Variants in NRXN2 observed in about 807,000 individuals in gnomAD.
NRXN2 encodes neurexin-2-beta.
A neutral mutation model predicts 128.8 loss-of-function variants in NRXN2; 29 were observed. The observed-to-expected ratio is 0.23, with a 90% CI of 0.17 to 0.31. NRXN2 has a LOEUF of 0.31. Ranked by LOEUF, NRXN2 falls within the 10% of genes least tolerant of loss-of-function variation. NRXN2 has a pLI of 1.00. For missense variants in NRXN2, 1,881 were observed against 2,452.6 expected (o/e 0.77, Z 4.92); for synonymous variants, 1,098 against 1,075.2 (o/e 1.02, Z -0.41).
intron 9 of NRXN2, chr11:64,661,441 A>C: frequency 7.7e-7 from 1 of 1,293,958 alleles, no homozygotes; most frequent in Middle Eastern, 3.0e-4. Flanking sequence ...GATAGGCAGG[A>C]AGTGGGCATG....
chr11:64,654,701 T>C (rs2047998340), intron 11 of NRXN2, among the ~76,000 whole-genome samples: 1 of 152,184 alleles, frequency 6.6e-6, no homozygotes, highest in Admixed American at 6.5e-5. Context: ...ACCAGGGTCC[T>C]ATGAAGTCCA....
rs1378861198 is a variant in NRXN2 at position 64,631,359 on chromosome 11, A to G, written c.3586-786T>C. ...GACAGACAGGGACGGAGGCCTGGAG[A>G]AGGGGAGCAAAGAGCCTAAGCAATC... On this transcript the variant is annotated intron_variant, in intron 18 of 22. Transcript: ENST00000265459. This position sits in a 1 kb window ranked among gnomAD's most constrained non-coding sequence, Gnocchi z 4.8. Among the ~76,000 whole-genome samples, 1 of 152,080 alleles carries G rather than the reference A, an allele frequency of 6.6e-6. No homozygotes were observed. The highest frequency in any genetic ancestry group is 6.5e-5 in the Admixed American group (1 of 15,276).
intron 9 of NRXN2, among the ~76,000 whole-genome samples, chr11:64,666,991 G>A (rs977262417): frequency 6.6e-6 from 1 of 152,130 alleles, no homozygotes; most frequent in South Asian, 2.1e-4. Flanking sequence ...TACAGATAAG[G>A]AAACAGAGTC....
chr11:64,650,699 T>C, intron 14 of NRXN2, 61 bp from the exon 15 acceptor site: 1 of 1,517,544 alleles, frequency 6.6e-7, no homozygotes, highest in Non-Finnish European at 9.1e-7. Context: ...GAAGGTGGGG[T>C]GAGGAGGAGC....
At chr11:64,693,134 G>C (rs1194070290) in intron 3 of NRXN2, among the ~76,000 whole-genome samples, 18 of 148,372 alleles carry the variant, frequency 1.2e-4, no homozygotes, top group Non-Finnish European at 1.3e-4. Flanking sequence ...GAGAAAGAGA[G>C]ATTAGGGGCG....
chr11:64,606,442 T>TCCCACCC lies in NRXN2; in HGVS notation c.*747_*753dup, dbSNP rs2039652222. On this transcript the variant is annotated 3_prime_UTR_variant, in exon 23 of 23. Coordinates refer to ENST00000265459, the MANE Select transcript of NRXN2 (RefSeq NM_015080.4). ...TATCTGCATTTGCCTTTCCCCTCCC[T>TCCCACCC]CCCACCCCCCACCCCTGCTCCTCCA... 3 of 53,388 alleles carry TCCCACCC rather than the reference T, an allele frequency of 5.6e-5. No homozygotes were observed. The highest frequency in any genetic ancestry group is 2.2e-3 in the South Asian group (2 of 926). The allele number at this position is 53,388 out of a possible 1,614,324, so 3.3% of individuals were successfully genotyped here.
intron 6 of NRXN2, among the ~76,000 whole-genome samples, chr11:64,680,452 C>G (rs2052059450): frequency 6.6e-6 from 1 of 152,206 alleles, no homozygotes. Context: ...AAACCCCAGC[C>G]TCCTTTGCAT....
chr11:64,662,651 G>A (rs368693214), intron 9 of NRXN2, among the ~76,000 whole-genome samples: 1 of 151,240 alleles, frequency 6.6e-6, no homozygotes, highest in Non-Finnish European at 1.5e-5. Context: ...GCGTGGTGGC[G>A]GGCGCCTGTA....
At chr11:64,683,035 G>T (rs1031634885) in intron 6 of NRXN2, among the ~76,000 whole-genome samples, 4 of 152,188 alleles carry the variant, frequency 2.6e-5, no homozygotes, top group African/African-American at 9.7e-5. Context: ...GGCTGCAGAA[G>T]CAAAGGGAAT....
chr11:64,706,681 G>A (rs2056366818), intron 2 of NRXN2, among the ~76,000 whole-genome samples: 1 of 152,124 alleles, frequency 6.6e-6, no homozygotes, highest in Non-Finnish European at 1.5e-5. Context: ...GCCCTCTACA[G>A]ATATGATGTA....
intron 6 of NRXN2, among the ~76,000 whole-genome samples, chr11:64,684,615 G>C (rs1310712900): frequency 6.6e-6 from 1 of 152,162 alleles, no homozygotes; most frequent in African/African-American, 2.4e-5. Flanking sequence ...AGAGTGGGAG[G>C]CCAGCCAAGA....
intron 1 of NRXN2, among the ~76,000 whole-genome samples, chr11:64,716,623 C>T (rs1181716087): frequency 1.3e-5 from 2 of 152,116 alleles, no homozygotes; most frequent in African/African-American, 4.8e-5. Context: ...TTATGTGGTG[C>T]CTCCAGGGAG....
chr11:64,663,899 C>T (rs925768606), intron 9 of NRXN2, among the ~76,000 whole-genome samples: 2 of 152,154 alleles, frequency 1.3e-5, no homozygotes, highest in Non-Finnish European at 2.9e-5. Flanking sequence ...ACAACATGAA[C>T]GAACCTAGAA....
chr11:64,722,887 GC>G (rs1434855014), intron 1 of NRXN2, 83 bp downstream of exon 1: 2 of 30,616 alleles, frequency 6.5e-5, no homozygotes, highest in African/African-American at 3.3e-4. Flanking sequence ...TGCCTCCCTC[GC>G]CCCCTCCGAT....
rs752087252 is a variant in NRXN2 at position 64,630,769 on chromosome 11, T to C, written c.3586-196A>G. Among the ~76,000 whole-genome samples, 1 of 152,182 alleles carries C rather than the reference T, an allele frequency of 6.6e-6. No individual in the cohort carries two copies. Among genetic ancestry groups the C allele is most frequent in the Non-Finnish European group, 1.5e-5 (1 of 68,018 alleles). On this transcript the variant is annotated intron_variant, in intron 18 of 22. Coordinates refer to ENST00000265459, the MANE Select transcript of NRXN2 (RefSeq NM_015080.4). The surrounding 1 kb of genome is among the most constrained non-coding windows in gnomAD (Gnocchi z 4.6). Reference sequence around the variant, plus strand: ...GGAGTAACTTGAGGCCGGAGGTGCGTGCAGAGCCTGGGCCCAGAGCGCCTT... The same window carrying C: ...GGAGTAACTTGAGGCCGGAGGTGCGCGCAGAGCCTGGGCCCAGAGCGCCTT...
In NRXN2 at chr11:64,648,417, C is replaced by T; in HGVS notation, c.3284-79G>A. ...CCCAGGAGGTGTGGAAGCTTCAGAG[C>T]CAGGCAGAGAGGTCCTACTCTGAGC... On this transcript the variant is annotated intron_variant, in intron 16 of 22. Coordinates refer to ENST00000265459, the MANE Select transcript of NRXN2 (RefSeq NM_015080.4). This position sits in a 1 kb window ranked among gnomAD's most constrained non-coding sequence, Gnocchi z 4.1. The T allele has an allele frequency of 6.2e-7, 1 of 1,606,812 alleles. No homozygotes were observed. Among genetic ancestry groups the T allele is most frequent in the South Asian group, 1.1e-5 (1 of 90,744 alleles).
In NRXN2 at chr11:64,667,156, G is replaced by A; in HGVS notation, c.1798+94C>T. The A allele has an allele frequency of 3.1e-6, 4 of 1,274,870 alleles. No individual in the cohort carries two copies. Among genetic ancestry groups the A allele is most frequent in the South Asian group, 2.5e-5 (2 of 81,224 alleles). 79.0% of individuals were successfully genotyped at this position (1,274,870 alleles called of 1,614,324 possible). A position where few individuals can be genotyped will look rare whatever the true frequency, so the allele number is the denominator to read the frequency against. On this transcript the variant is annotated intron_variant, in intron 9 of 22. Transcript: ENST00000265459. This position sits in a 1 kb window ranked among gnomAD's most constrained non-coding sequence, Gnocchi z 5.6. Reference sequence around the variant, plus strand: ...GGCAGGGAAGAATATAGGAAATGGTGTAGAAGAGACCCGCTGAAGAGAGAC... The same window carrying A: ...GGCAGGGAAGAATATAGGAAATGGTATAGAAGAGACCCGCTGAAGAGAGAC...
chr11:64,668,649 A>G, intron 7 of NRXN2, 45 bp from the exon 8 acceptor site: 1 of 1,608,364 alleles, frequency 6.2e-7, no homozygotes, highest in Non-Finnish European at 8.5e-7. Flanking sequence ...GACAACCAAC[A>G]TCAAATCCCT....
At chr11:64,647,723 G>A (rs2046906095) in intron 17 of NRXN2, among the ~76,000 whole-genome samples, 1 of 152,206 alleles carries the variant, frequency 6.6e-6, no homozygotes, top group Non-Finnish European at 1.5e-5. Flanking sequence ...TCCAGAGCCT[G>A]TCCTCTGGGG....
Sources: gnomAD v4.1 joint callset for allele counts (sites outside exome capture counted in the v4.1 genomes callset) on GRCh38, gnomAD v4.1.1 for gene constraint, Gnocchi (gnomAD v3.1) non-coding constraint, MANE v1.5 for transcripts, NCBI Gene and HGNC (gene_info 2026-07-23, HGNC 2026-07-21) for gene names.